The following NHSL1 variants were observed in gnomAD, a reference collection of about 807,000 sequenced individuals.
NHSL1 encodes the protein NHS-like protein 1.
A neutral mutation model predicts 95.0 loss-of-function variants in NHSL1; 48 were observed. The observed-to-expected ratio is 0.51, with a 90% confidence interval of 0.40 to 0.64. NHSL1 has a LOEUF of 0.64. NHSL1 is among the 30% of genes least tolerant of loss of function. NHSL1 has a pLI of 0.00. For missense variants in NHSL1, 1,971 were observed against 2,077.7 expected (o/e 0.95, Z 1.00); for synonymous variants, 783 against 833.9 (o/e 0.94, Z 1.05).
intron 1 of NHSL1, among the ~76,000 whole-genome samples, chr6:138,689,231 C>T (rs926409198): frequency 6.6e-6 from 1 of 152,208 alleles, no homozygotes; most frequent in Non-Finnish European, 1.5e-5. Context: ...CATCCTGGAC[C>T]TCAAAGGTCC....
At chr6:138,552,760 G>A (rs1783056858) in intron 1 of NHSL1, among the ~76,000 whole-genome samples, 1 of 152,152 alleles carries the variant, frequency 6.6e-6, no homozygotes, top group African/African-American at 2.4e-5. Flanking sequence ...GTGGCAAGCT[G>A]CCTTGACTTC....
chr6:138,663,371 A>G (rs1311482293), intron 1 of NHSL1, among the ~76,000 whole-genome samples: 4 of 149,714 alleles, frequency 2.7e-5, no homozygotes, highest in South Asian at 2.1e-4. Flanking sequence ...GACCAGCCTG[A>G]TCAACATGGA....
intron 1 of NHSL1, among the ~76,000 whole-genome samples, chr6:138,591,981 T>C (rs372634293): frequency 1.1e-4 from 17 of 152,316 alleles, no homozygotes; most frequent in African/African-American, 3.4e-4. Flanking sequence ...CTATCCCTCA[T>C]GGATAAAGGG....
chr6:138,546,421 T>C (rs1160809567), upstream of NHSL1, among the ~76,000 whole-genome samples: 1 of 84,912 alleles, frequency 1.2e-5, no homozygotes. Context: ...TGAGACCCCA[T>C]CTCTACAAAA....
chr6:138,596,115 C>T (rs1450296897), intron 1 of NHSL1, among the ~76,000 whole-genome samples: 1 of 152,144 alleles, frequency 6.6e-6, no homozygotes, highest in Non-Finnish European at 1.5e-5. Flanking sequence ...GTCTGAATGC[C>T]TTCCAGTAGT....
intron 1 of NHSL1, among the ~76,000 whole-genome samples, chr6:138,510,271 G>A (rs950030333): frequency 1.3e-5 from 2 of 152,130 alleles, no homozygotes; most frequent in Admixed American, 1.3e-4. Context: ...ATCGGCTGGT[G>A]TGCTCAACTG....
chr6:138,626,406 T>G (rs904073207), intron 1 of NHSL1, among the ~76,000 whole-genome samples: 1 of 152,192 alleles, frequency 6.6e-6, no homozygotes, highest in Non-Finnish European at 1.5e-5. Flanking sequence ...TCCATAAATT[T>G]TACTAAATCA....
chr6:138,514,126 G>A (rs1781355378), intron 1 of NHSL1, among the ~76,000 whole-genome samples: 2 of 152,112 alleles, frequency 1.3e-5, no homozygotes, highest in Non-Finnish European at 1.5e-5. Context: ...AGACCAGCCT[G>A]ACCGACATGG....
At chr6:138,651,348 T>C (rs1269512881) in intron 1 of NHSL1, among the ~76,000 whole-genome samples, 2 of 152,240 alleles carry the variant, frequency 1.3e-5, no homozygotes, top group Admixed American at 1.3e-4. Flanking sequence ...CAGTTTTCCT[T>C]TGTATTTCTA....
intron 1 of NHSL1, among the ~76,000 whole-genome samples, chr6:138,671,323 G>A (rs937426031): frequency 6.6e-5 from 10 of 151,688 alleles, no homozygotes; most frequent in African/African-American, 1.2e-4. Context: ...GATGACGTGC[G>A]CCTGTAATCC....
Position 138,424,441 on chromosome 6 carries a change from A to C in NHSL1, c.4461T>G (p.Pro1487=). Residue 1487 remains proline, a synonymous_variant, in exon 8 of 8, where the codon CCT becomes CCG. Coordinates refer to ENST00000343505, the MANE Select transcript of NHSL1 (RefSeq NM_001144060.2). The surrounding 1 kb of genome is among the most constrained non-coding windows in gnomAD (Gnocchi z 5.9). ...EEWAKNEGLM[P]RSLSFSGPRY... is the part of the protein sequence containing the mutation. ...TGGGGCCGGAAAAGGACAGACTCCG[A>C]GGCATCAAGCCTTCGTTCTTGGCCC... 1 of 1,550,606 alleles carries C rather than the reference A, an allele frequency of 6.4e-7. No homozygotes were observed. Among genetic ancestry groups the C allele is most frequent in the Non-Finnish European group, 8.7e-7 (1 of 1,146,346 alleles).
At position 138,422,224 on chromosome 6, in the gene NHSL1, A is replaced by T. The variant is rs1203119620; in HGVS notation, c.*1857T>A. 2 of 152,226 alleles carry T rather than the reference A, an allele frequency of 1.3e-5. No homozygotes were observed. Among genetic ancestry groups the T allele is most frequent in the African/African-American group, 4.8e-5 (2 of 41,462 alleles). 9.4% of individuals were successfully genotyped at this position (152,226 alleles called of 1,614,324 possible). On this transcript the variant is annotated 3_prime_UTR_variant, in exon 8 of 8. Coordinates refer to ENST00000343505, the MANE Select transcript of NHSL1 (RefSeq NM_001144060.2). ...ACATTCTAGTCTTTTTTAGGCAGCT[A>T]TGAGAAGATTTCATATTCAAAAGCC...
Position 138,664,769 on chromosome 6 carries a change from G to A in NHSL1, c.96+27707C>T, listed in dbSNP as rs548041661. ...TTAAAATTGGCTCATGCAATTGTCG[G>A]AGCTGGCTAATCTGAAATCTGCAAA... On this transcript the variant is annotated intron_variant, in intron 1 of 3. Transcript: ENST00000491526. Among the ~76,000 whole-genome samples, 3 of 152,294 alleles carry A rather than the reference G, an allele frequency of 2.0e-5. No homozygotes were observed. In the South Asian group the frequency reaches 6.3e-4, roughly 32 times the overall value.
At chr6:138,629,475 C>G (rs1379909218) in intron 1 of NHSL1, among the ~76,000 whole-genome samples, 1 of 151,976 alleles carries the variant, frequency 6.6e-6, no homozygotes, top group East Asian at 1.9e-4. Flanking sequence ...CTCCGCCTCC[C>G]AAGTTCAAGC....
chr6:138,431,056 C>G lies in NHSL1; in HGVS notation c.3289G>C (p.Ala1097Pro), dbSNP rs752215693. 171 of 1,551,972 alleles carry G rather than the reference C, an allele frequency of 1.1e-4. No homozygotes were observed. Among genetic ancestry groups the G allele is most frequent in the Non-Finnish European group, 1.4e-4 (166 of 1,147,094 alleles). Residue 1097 changes from alanine (A) to proline (P), a missense_variant, in exon 6 of 8, where the codon GCT becomes CCT. Physicochemically the swap from Ala to Pro is conservative, Grantham distance 27 (BLOSUM62 -1). This residue lies in a region of NHSL1 where 1,602 missense variants were observed against 1,654.5 expected (regional missense o/e 0.97). Transcript: ENST00000343505. This position sits in a 1 kb window ranked among gnomAD's most constrained non-coding sequence, Gnocchi z 4.0. ...AEAAQLSERT[A>P]QEQRTPVAPQ... ...GCAACTGGAGTTCGTTGTTCCTGAG[C>G]TGTTCGTTCAGACAACTGTGCCGCC... is the stretch of plus-strand genomic sequence containing the variant.
rs73774834 is a variant in NHSL1 at position 138,560,707 on chromosome 6, T to C, written c.202+11003A>G. ...ACCACCCACAAGGTAAATTCACAAA[T>C]TGCCTTGTGTCTGCTTTGTAAAAGA... is the stretch of plus-strand genomic sequence containing the variant. On this transcript the variant is annotated intron_variant, in intron 1 of 6. Coordinates refer to the NHSL1 transcript ENST00000427025. 7.1e-3 allele frequency among the ~76,000 whole-genome samples: 1,078 copies of C among 152,228 alleles called. 21 individuals carry two copies. Among genetic ancestry groups the C allele is most frequent in the African/African-American group, 0.024 (1,015 of 41,542 alleles).
intron 4 of NHSL1, 131 bp downstream of exon 4, chr6:138,446,870 A>G: frequency 1.3e-6 from 1 of 795,094 alleles, no homozygotes; most frequent in South Asian, 1.8e-5. Context: ...TCCTCTCATT[A>G]AACAAAGAGC....
intron 1 of NHSL1, among the ~76,000 whole-genome samples, chr6:138,647,901 A>G (rs1785040421): frequency 6.6e-6 from 1 of 152,138 alleles, no homozygotes; most frequent in Non-Finnish European, 1.5e-5. Context: ...ACCGGTGTCT[A>G]ATTTTCTTAC....
intron 1 of NHSL1, among the ~76,000 whole-genome samples, chr6:138,655,477 T>C (rs1785145318): frequency 1.3e-5 from 2 of 152,214 alleles, no homozygotes; most frequent in Admixed American, 6.5e-5. Flanking sequence ...CCTAGAAAAG[T>C]AGCTGCTTCA....
Sources: allele counts gnomAD v4.1 joint callset (sites outside exome capture counted in the v4.1 genomes callset), GRCh38; gene constraint gnomAD v4.1.1; regional missense constraint gnomAD v4.1.1; non-coding constraint Gnocchi (gnomAD v3.1); transcripts MANE v1.5; gene names NCBI Gene and HGNC (gene_info 2026-07-23, HGNC 2026-07-21).